Variants in CAMK1D observed in about 807,000 individuals in gnomAD.
The protein encoded by CAMK1D is calcium/calmodulin dependent protein kinase ID.
CAMK1D carries 9 observed loss-of-function variants against 47.7 expected under a neutral mutation model. That is an observed-to-expected ratio of 0.19 (90% CI 0.11 to 0.33). The LOEUF (loss-of-function observed/expected upper bound fraction) is 0.33, where lower values mean the gene tolerates loss of function less well. Among genes scored for constraint, CAMK1D ranks in the 10% least tolerant of loss-of-function variants. The pLI, the probability that CAMK1D is intolerant of heterozygous loss-of-function variation, is 1.00. For missense variants in CAMK1D, 291 were observed against 488.7 expected, an observed-to-expected ratio of 0.60 and a Z score of 3.81; for synonymous variants, 184 against 184.9, an observed-to-expected ratio of 0.99 and a Z score of 0.04.
At chr10:12,533,135 C>G (rs1173972856) in intron 1 of CAMK1D, among the ~76,000 whole-genome samples, 1 of 152,156 alleles carries the variant, frequency 6.6e-6, no homozygotes, top group African/African-American at 2.4e-5. Flanking sequence ...ACCCCATTCT[C>G]CATGATGGGA....
chr10:12,818,417 T>C (rs765325639), intron 8 of CAMK1D, among the ~76,000 whole-genome samples: 56 of 152,304 alleles, frequency 3.7e-4, no homozygotes, highest in Admixed American at 2.0e-4. Flanking sequence ...ATGCCTGTAA[T>C]CCCAGCACTT....
intron 1 of CAMK1D, among the ~76,000 whole-genome samples, chr10:12,397,834 T>A (rs1223827694): frequency 6.6e-6 from 1 of 152,204 alleles, no homozygotes; most frequent in East Asian, 1.9e-4. Flanking sequence ...GCAGGTAAAC[T>A]GTACATTGAA....
At chr10:12,581,266 G>A (rs988576574) in intron 2 of CAMK1D, among the ~76,000 whole-genome samples, 3 of 151,974 alleles carry the variant, frequency 2.0e-5, no homozygotes, top group South Asian at 2.1e-4. Flanking sequence ...TATATACCAC[G>A]ATTTCCTTAT....
chr10:12,507,168 G>A (rs952990332), intron 1 of CAMK1D, among the ~76,000 whole-genome samples: 1 of 152,200 alleles, frequency 6.6e-6, no homozygotes, highest in Non-Finnish European at 1.5e-5. Flanking sequence ...TTTTCTTGCA[G>A]CCTTGTTTAC....
At chr10:12,798,148 G>A (rs1838275928) in intron 6 of CAMK1D, among the ~76,000 whole-genome samples, 1 of 152,218 alleles carries the variant, frequency 6.6e-6, no homozygotes, top group Non-Finnish European at 1.5e-5. Context: ...GAATGGCGTG[G>A]CTTCAGGCCA....
At chr10:12,685,577 T>C (rs1236192397) in intron 3 of CAMK1D, among the ~76,000 whole-genome samples, 3 of 152,164 alleles carry the variant, frequency 2.0e-5, no homozygotes, top group Non-Finnish European at 4.4e-5. Context: ...CCCAGCCCTT[T>C]ATAAAGAGCC....
chr10:12,645,793 A>G (rs994750201), intron 2 of CAMK1D, among the ~76,000 whole-genome samples: 3 of 152,214 alleles, frequency 2.0e-5, no homozygotes, highest in African/African-American at 7.2e-5. Context: ...CTGCCACGCC[A>G]TCTGAGTATT....
chr10:12,396,782 C>T (rs1263544683), intron 1 of CAMK1D, among the ~76,000 whole-genome samples: 1 of 152,194 alleles, frequency 6.6e-6, no homozygotes, highest in East Asian at 1.9e-4. Flanking sequence ...CGTAGGCTCC[C>T]CGTGGCCATG....
intron 5 of CAMK1D, among the ~76,000 whole-genome samples, chr10:12,783,930 GA>G: frequency 6.6e-6 from 1 of 152,156 alleles, no homozygotes; most frequent in African/African-American, 2.4e-5. Context: ...TGGTCTCTGA[GA>G]AGGACCACAT....
At chr10:12,586,429 A>G (rs1837818573) in intron 2 of CAMK1D, among the ~76,000 whole-genome samples, 1 of 146,162 alleles carries the variant, frequency 6.8e-6, no homozygotes, top group African/African-American at 2.6e-5. Flanking sequence ...AGCCTGGGCG[A>G]CAGAGCAAGA....
intron 3 of CAMK1D, among the ~76,000 whole-genome samples, chr10:12,753,123 G>A (rs1836066044): frequency 6.6e-6 from 1 of 152,068 alleles, no homozygotes; most frequent in South Asian, 2.1e-4. Context: ...ATGGTGGCGT[G>A]TGCCTGTAGT....
intron 1 of CAMK1D, among the ~76,000 whole-genome samples, chr10:12,531,869 T>C (rs1460724652): frequency 6.6e-6 from 1 of 152,252 alleles, no homozygotes; most frequent in Non-Finnish European, 1.5e-5. Flanking sequence ...AAATAACTGC[T>C]AAATGATGAG....
chr10:12,757,903 G>A (rs1251973203), intron 3 of CAMK1D, among the ~76,000 whole-genome samples: 1 of 143,060 alleles, frequency 7.0e-6, no homozygotes, highest in Admixed American at 7.3e-5. Flanking sequence ...CATTGCTGGA[G>A]TGCAATGGCA....
chr10:12,689,698 C>T (rs1036075398), intron 3 of CAMK1D, among the ~76,000 whole-genome samples: 2 of 151,878 alleles, frequency 1.3e-5, no homozygotes, highest in Non-Finnish European at 2.9e-5. Context: ...ATCGCTTGAA[C>T]CCAGGAGGTG....
At chr10:12,559,417 C>G (rs1204581495) in intron 2 of CAMK1D, among the ~76,000 whole-genome samples, 1 of 152,206 alleles carries the variant, frequency 6.6e-6, no homozygotes, top group Non-Finnish European at 1.5e-5. Flanking sequence ...CCGCCACCCA[C>G]TGATCCTAAC....
At chr10:12,773,785 C>T (rs1273099807) in intron 5 of CAMK1D, among the ~76,000 whole-genome samples, 1 of 152,026 alleles carries the variant, frequency 6.6e-6, no homozygotes, top group Non-Finnish European at 1.5e-5. Flanking sequence ...TCCCAGCCTC[C>T]CTACTCAGGA....
At chr10:12,410,400 G>T (rs970326615) in intron 1 of CAMK1D, among the ~76,000 whole-genome samples, 1 of 152,188 alleles carries the variant, frequency 6.6e-6, no homozygotes, top group Admixed American at 6.5e-5. Context: ...GGGTGAAACT[G>T]CAGGGCCTTA....
chr10:12,583,862 A>G (rs1221463141), intron 2 of CAMK1D, among the ~76,000 whole-genome samples: 1 of 151,866 alleles, frequency 6.6e-6, no homozygotes, highest in Non-Finnish European at 1.5e-5. Flanking sequence ...GCCTCCCATA[A>G]TGCTGGGATT....
At chr10:12,583,749 G>GC (rs1476109344) in intron 2 of CAMK1D, among the ~76,000 whole-genome samples, 1 of 151,862 alleles carries the variant, frequency 6.6e-6, no homozygotes, top group African/African-American at 2.4e-5. Flanking sequence ...TTACAGGTGT[G>GC]CACCACCATG....
Sources: allele counts gnomAD v4.1 joint callset (sites outside exome capture counted in the v4.1 genomes callset), GRCh38; gene constraint gnomAD v4.1.1; transcripts MANE v1.5; gene names NCBI Gene and HGNC (gene_info 2026-07-23, HGNC 2026-07-21).